NCKAP5: variants seen among roughly 807,000 people sequenced by gnomAD.
NCKAP5 encodes nck-associated protein 5.
A neutral mutation model predicts 167.0 loss-of-function variants in NCKAP5; 92 were observed. That is an observed-to-expected ratio of 0.55 (90% CI 0.47 to 0.66). The LOEUF is 0.66. NCKAP5 is among the 30% of genes least tolerant of loss of function. The pLI, the probability that NCKAP5 is intolerant of heterozygous loss-of-function variation, is 0.00. For missense variants in NCKAP5, 2,378 were observed against 2,315.0 expected (o/e 1.03, Z -0.56); for synonymous variants, 891 against 877.4 (o/e 1.02, Z -0.27).
the NCKAP5 span, among the ~76,000 whole-genome samples, chr2:133,636,339 C>T: frequency 1.3e-5 from 2 of 152,140 alleles, no homozygotes; most frequent in Non-Finnish European, 2.9e-5. Context: ...CAGCAAAGAA[C>T]ACTGACAATG....
the NCKAP5 span, among the ~76,000 whole-genome samples, chr2:133,603,248 CAG>C: frequency 8.2e-6 from 1 of 121,940 alleles, no homozygotes; most frequent in Non-Finnish European, 1.6e-5. Flanking sequence ...TTTTTTAAGA[CAG>C]AGTTTCACTC....
intron 2 of NCKAP5, among the ~76,000 whole-genome samples, chr2:133,535,037 G>A (rs1053792299): frequency 2.6e-5 from 4 of 152,142 alleles, no homozygotes; most frequent in African/African-American, 9.7e-5. Flanking sequence ...AAGTGGGTAT[G>A]AAGAGGTATC....
At chr2:132,878,953 T>C (rs1297310053) in intron 8 of NCKAP5, 37 bp from the exon 9 acceptor site, 4 of 1,511,282 alleles carry the variant, frequency 2.6e-6, no homozygotes, top group East Asian at 2.3e-5. Flanking sequence ...AATAAATCAA[T>C]GAAATGTTGT....
chr2:133,429,184 TA>T (rs1689999548), intron 3 of NCKAP5, among the ~76,000 whole-genome samples: 1 of 152,156 alleles, frequency 6.6e-6, no homozygotes, highest in African/African-American at 2.4e-5. Flanking sequence ...AAGGCCATTC[TA>T]AATACAGTGC....
chr2:133,672,880 C>A, the NCKAP5 span, among the ~76,000 whole-genome samples: 15 of 152,298 alleles, frequency 9.8e-5, no homozygotes, highest in African/African-American at 3.4e-4. Flanking sequence ...TTGATCACCC[C>A]TCATTACTGC....
intron 3 of NCKAP5, among the ~76,000 whole-genome samples, chr2:133,307,967 C>T (rs924706975): frequency 7.7e-6 from 1 of 130,372 alleles, no homozygotes; most frequent in Non-Finnish European, 1.7e-5. Flanking sequence ...GTGGAATATA[C>T]ATTATCTATT....
intron 11 of NCKAP5, among the ~76,000 whole-genome samples, chr2:132,800,734 C>A (rs1290375211): frequency 1.3e-5 from 2 of 152,152 alleles, no homozygotes; most frequent in African/African-American, 4.8e-5. Context: ...CCTCTCTAAC[C>A]CACAGTGGAT....
chr2:132,795,264 AC>A (rs1558789838), intron 12 of NCKAP5, among the ~76,000 whole-genome samples: 1 of 152,124 alleles, frequency 6.6e-6, no homozygotes, highest in Non-Finnish European at 1.5e-5. Context: ...GATACACAGA[AC>A]CCCATGAATC....
chr2:132,875,766 T>C (rs560839061), intron 9 of NCKAP5, among the ~76,000 whole-genome samples: 75 of 152,278 alleles, frequency 4.9e-4, no homozygotes, highest in African/African-American at 1.7e-3. Context: ...AACTCTAAGA[T>C]TAATCCTTGT....
chr2:132,952,847 A>C (rs1414844196), intron 8 of NCKAP5, among the ~76,000 whole-genome samples: 1 of 152,194 alleles, frequency 6.6e-6, no homozygotes, highest in East Asian at 1.9e-4. Context: ...TTCTCTCCAT[A>C]GCTCAGGATG....
intron 5 of NCKAP5, among the ~76,000 whole-genome samples, chr2:133,145,731 G>A (rs965256774): frequency 6.6e-6 from 1 of 151,924 alleles, no homozygotes; most frequent in Non-Finnish European, 1.5e-5. Context: ...GTTACACATT[G>A]ATTGCTGTTA....
chr2:133,370,203 T>C (rs1490119371), intron 3 of NCKAP5, among the ~76,000 whole-genome samples: 4 of 152,206 alleles, frequency 2.6e-5, no homozygotes, highest in African/African-American at 9.6e-5. Context: ...TTTCTGATAG[T>C]TCCCTAAAGA....
At chr2:133,367,745 T>C (rs933788515) in intron 3 of NCKAP5, among the ~76,000 whole-genome samples, 1 of 152,188 alleles carries the variant, frequency 6.6e-6, no homozygotes, top group South Asian at 2.1e-4. Flanking sequence ...AAGTGAGTCA[T>C]ATAAAAATTC....
intron 3 of NCKAP5, among the ~76,000 whole-genome samples, chr2:133,329,556 T>C (rs1315821387): frequency 6.6e-6 from 1 of 152,018 alleles, no homozygotes; most frequent in African/African-American, 2.4e-5. Flanking sequence ...GCAAGGTGTT[T>C]GGAAAGAAAC....
chr2:133,576,998 T>C, the NCKAP5 span, among the ~76,000 whole-genome samples: 3 of 152,186 alleles, frequency 2.0e-5, no homozygotes, highest in Non-Finnish European at 4.4e-5. Flanking sequence ...TGAGACCAGT[T>C]TCCACCTAAG....
chr2:133,430,794 C>A (rs1690109499), intron 3 of NCKAP5, among the ~76,000 whole-genome samples: 1 of 151,324 alleles, frequency 6.6e-6, no homozygotes, highest in Admixed American at 6.6e-5. Flanking sequence ...AATAAAAAAT[C>A]TCCCAAATGG....
intron 3 of NCKAP5, among the ~76,000 whole-genome samples, chr2:133,307,133 C>T (rs1168103124): frequency 6.6e-6 from 1 of 152,194 alleles, no homozygotes. Context: ...TCCTATTCTA[C>T]TGGTTTCTGT....
the NCKAP5 span, among the ~76,000 whole-genome samples, chr2:133,641,389 C>T: frequency 6.6e-6 from 1 of 152,242 alleles, no homozygotes. Flanking sequence ...TCTTCCTCTG[C>T]AGCATCTGGT....
At chr2:133,524,163 C>G (rs1025708430) in intron 2 of NCKAP5, among the ~76,000 whole-genome samples, 19 of 152,232 alleles carry the variant, frequency 1.2e-4, no homozygotes, top group African/African-American at 4.6e-4. Flanking sequence ...TTCAATATTT[C>G]CAAGGTGCAG....
Sources: gnomAD v4.1 joint callset for allele counts (sites outside exome capture counted in the v4.1 genomes callset) on GRCh38, gnomAD v4.1.1 for gene constraint, MANE v1.5 for transcripts, NCBI Gene and HGNC (gene_info 2026-07-23, HGNC 2026-07-21) for gene names.